TEX9: variants seen among roughly 807,000 people sequenced by gnomAD.
TEX9 encodes testis-expressed protein 9.
A neutral mutation model predicts 59.6 loss-of-function variants in TEX9; 74 were observed. The ratio of observed to expected loss-of-function variants is 1.24; its 90% CI spans 1.03 to 1.51. The LOEUF (loss-of-function observed/expected upper bound fraction) is 1.51, where lower values mean the gene tolerates loss of function less well. TEX9 is among the 40% of genes most tolerant of loss of function. The pLI is 0.00. For missense variants in TEX9, 522 were observed against 447.8 expected (o/e 1.17, Z -1.49); for synonymous variants, 186 against 152.2 (o/e 1.22, Z -1.64).
At chr15:56,280,092 A>G (rs1420765581) in intron 1 of TEX9, among the ~76,000 whole-genome samples, 2 of 152,340 alleles carry the variant, frequency 1.3e-5, no homozygotes, top group African/African-American at 4.8e-5. Context: ...AAGTGTTATA[A>G]GCCATTTAAG....
chr15:56,276,573 T>A (rs1263821180), intron 1 of TEX9, among the ~76,000 whole-genome samples: 2 of 152,210 alleles, frequency 1.3e-5, no homozygotes, highest in African/African-American at 4.8e-5. Context: ...TTATCTAGTC[T>A]ATCATTGATG....
intron 1 of TEX9, among the ~76,000 whole-genome samples, chr15:56,306,110 G>T (rs377481622): frequency 8.5e-5 from 13 of 152,188 alleles, no homozygotes; most frequent in East Asian, 5.8e-4. Flanking sequence ...ACAAATGCTG[G>T]TGAGAATGCA....
intron 1 of TEX9, among the ~76,000 whole-genome samples, chr15:56,334,957 T>C (rs1365992136): frequency 1.3e-5 from 2 of 152,156 alleles, no homozygotes; most frequent in Admixed American, 6.6e-5. Context: ...TGAGATATCA[T>C]CTGACACCAT....
At chr15:56,347,931 C>A (rs1437019430) in intron 1 of TEX9, among the ~76,000 whole-genome samples, 1 of 151,826 alleles carries the variant, frequency 6.6e-6, no homozygotes, top group African/African-American at 2.4e-5. Context: ...AAAAATCAAT[C>A]CAATTTAAAT....
At chr15:56,351,736 A>T (rs1248473753) in intron 1 of TEX9, among the ~76,000 whole-genome samples, 1 of 152,252 alleles carries the variant, frequency 6.6e-6, no homozygotes, top group East Asian at 1.9e-4. Context: ...AGTTTCAAAA[A>T]ATCATTTTCA....
At chr15:56,424,507 G>A (rs2050147222) in intron 10 of TEX9, among the ~76,000 whole-genome samples, 1 of 152,076 alleles carries the variant, frequency 6.6e-6, no homozygotes, top group Non-Finnish European at 1.5e-5. Context: ...TGGGAGGTCT[G>A]TTGCTGTTTG....
chr15:56,296,606 T>G (rs1419138383), intron 1 of TEX9, among the ~76,000 whole-genome samples: 1 of 152,230 alleles, frequency 6.6e-6, no homozygotes, highest in Non-Finnish European at 1.5e-5. Flanking sequence ...GTTTCACTTT[T>G]CACTGTGTAA....
chr15:56,331,885 G>A (rs1243757108), intron 1 of TEX9, among the ~76,000 whole-genome samples: 4 of 143,160 alleles, frequency 2.8e-5, no homozygotes, highest in Non-Finnish European at 6.1e-5. Flanking sequence ...ATCATCACTG[G>A]CCATCAGAGA....
intron 10 of TEX9, among the ~76,000 whole-genome samples, 172 bp from the exon 11 acceptor site, chr15:56,427,433 C>T (rs1596241505): frequency 6.6e-6 from 1 of 152,192 alleles, no homozygotes; most frequent in East Asian, 1.9e-4. Flanking sequence ...CTGAGCATGA[C>T]TAAAAGCTAT....
chr15:56,245,987 G>T (rs2043843897), intron 1 of TEX9, among the ~76,000 whole-genome samples: 1 of 152,124 alleles, frequency 6.6e-6, no homozygotes, highest in South Asian at 2.1e-4. Context: ...CACCCTGGGA[G>T]GGGGAGATCC....
intron 12 of TEX9, among the ~76,000 whole-genome samples, chr15:56,442,298 A>G (rs756785242): frequency 6.6e-6 from 1 of 152,178 alleles, no homozygotes; most frequent in Non-Finnish European, 1.5e-5. Context: ...AACTAGTTCA[A>G]CCACTGTGAA....
intron 1 of TEX9, among the ~76,000 whole-genome samples, chr15:56,345,930 A>T (rs943408313): frequency 2.0e-4 from 31 of 152,212 alleles, no homozygotes; most frequent in Non-Finnish European, 3.1e-4. Context: ...TCTGATTCAT[A>T]ATATGAAAGC....
chr15:56,349,495 G>A (rs768797736), intron 1 of TEX9, among the ~76,000 whole-genome samples: 2 of 152,108 alleles, frequency 1.3e-5, no homozygotes, highest in Non-Finnish European at 2.9e-5. Flanking sequence ...CTTTAGGCCT[G>A]AAAGACTATG....
intron 9 of TEX9, among the ~76,000 whole-genome samples, chr15:56,406,440 C>T (rs1000979788): frequency 6.6e-6 from 1 of 152,046 alleles, no homozygotes; most frequent in Non-Finnish European, 1.5e-5. Context: ...TGTGTGAACA[C>T]GTTTTTATGT....
intron 1 of TEX9, among the ~76,000 whole-genome samples, chr15:56,290,663 C>T (rs1458739144): frequency 6.6e-6 from 1 of 152,092 alleles, no homozygotes; most frequent in African/African-American, 2.4e-5. Flanking sequence ...CTATGTTGCC[C>T]AGGGTGGTCT....
At chr15:56,434,707 GT>G (rs1555448297) in intron 12 of TEX9, among the ~76,000 whole-genome samples, 1 of 152,056 alleles carries the variant, frequency 6.6e-6, no homozygotes, top group East Asian at 1.9e-4. Flanking sequence ...GCACACCTGA[GT>G]TTATTCATCT....
intron 1 of TEX9, among the ~76,000 whole-genome samples, chr15:56,347,857 C>A (rs186830178): frequency 6.6e-6 from 1 of 151,870 alleles, no homozygotes; most frequent in Non-Finnish European, 1.5e-5. Flanking sequence ...TATTTACAAG[C>A]AACACTTTTT....
chr15:56,442,617 C>T (rs1280808716), intron 12 of TEX9, among the ~76,000 whole-genome samples: 1 of 152,126 alleles, frequency 6.6e-6, no homozygotes, highest in Non-Finnish European at 1.5e-5. Flanking sequence ...AGGCCATTAG[C>T]CTATGCTAAT....
chr15:56,398,565 A>G (rs913150794), intron 9 of TEX9, among the ~76,000 whole-genome samples: 2 of 152,156 alleles, frequency 1.3e-5, no homozygotes, highest in Non-Finnish European at 1.5e-5. Context: ...AACCTTGGTT[A>G]TATATTTGAT....
Sources: allele counts gnomAD v4.1 joint callset (sites outside exome capture counted in the v4.1 genomes callset), GRCh38; gene constraint gnomAD v4.1.1; transcripts MANE v1.5; gene names NCBI Gene and HGNC (gene_info 2026-07-23, HGNC 2026-07-21).